TNFAIP8: variants seen among roughly 807,000 people sequenced by gnomAD.
TNFAIP8 encodes the protein tumor necrosis factor alpha-induced protein 8.
A neutral mutation model predicts 13.3 loss-of-function variants in TNFAIP8; 7 were observed. The observed-to-expected ratio is 0.52, with a 90% CI of 0.30 to 0.99. TNFAIP8 has a LOEUF of 0.99. Among genes scored for constraint, TNFAIP8 ranks in the 50% least tolerant of loss-of-function variants. The pLI, the probability that TNFAIP8 is intolerant of heterozygous loss-of-function variation, is 0.07. For synonymous variants in TNFAIP8, 94 were observed against 87.6 expected, an observed-to-expected ratio of 1.07 and a Z score of -0.41; for missense variants, 258 against 236.9, an observed-to-expected ratio of 1.09 and a Z score of -0.58.
intron 1 of TNFAIP8, among the ~76,000 whole-genome samples, chr5:119,300,209 G>T (rs192656827): frequency 6.6e-6 from 1 of 152,214 alleles, no homozygotes; most frequent in Non-Finnish European, 1.5e-5. Flanking sequence ...TGTCGCTCAC[G>T]CCGGGAGCTG....
intron 1 of TNFAIP8, among the ~76,000 whole-genome samples, chr5:119,286,533 A>G (rs1748804123): frequency 6.6e-6 from 1 of 151,542 alleles, no homozygotes; most frequent in South Asian, 2.1e-4. Context: ...GAGGCAGGAG[A>G]ATGGCGAGAA....
intron 1 of TNFAIP8, among the ~76,000 whole-genome samples, chr5:119,307,417 T>G (rs1749598849): frequency 6.6e-6 from 1 of 152,218 alleles, no homozygotes; most frequent in African/African-American, 2.4e-5. Flanking sequence ...GTACTTTTTT[T>G]GTACAACTTA....
intron 1 of TNFAIP8, among the ~76,000 whole-genome samples, chr5:119,298,620 A>G (rs916587057): frequency 1.1e-4 from 16 of 151,808 alleles, no homozygotes; most frequent in Admixed American, 4.6e-4. Context: ...TCTTTGTGGC[A>G]TTCTCTGTAT....
Position 119,393,499 on chromosome 5 carries a change from C to A in TNFAIP8, c.*118C>A. ...ACACATATTTCAGAAAGACTTTACC[C>A]AATTCAGTTGTCAGACATAATGATT... On this transcript the variant is annotated 3_prime_UTR_variant, in exon 2 of 2. Coordinates refer to ENST00000504771, the MANE Select transcript of TNFAIP8 (RefSeq NM_014350.4). 1 of 1,011,238 alleles carries A rather than the reference C, an allele frequency of 9.9e-7. No homozygotes were observed. The highest frequency in any genetic ancestry group is 1.4e-6 in the Non-Finnish European group (1 of 700,878). The allele number at this position is 1,011,238 out of a possible 1,614,324, so 62.6% of individuals were successfully genotyped here. A position where few individuals can be genotyped will look rare whatever the true frequency, so the allele number is the denominator to read the frequency against.
rs200376330 is a variant in TNFAIP8, at chr5:119,302,852, A to G, written c.1+33945A>G. Among the ~76,000 whole-genome samples, 429 of 152,316 alleles carry G rather than the reference A, an allele frequency of 2.8e-3. 4 individuals carry two copies. The highest frequency in any genetic ancestry group is 0.01 in the African/African-American group (424 of 41,570). On this transcript the variant is annotated intron_variant, in intron 1 of 1. Transcript: ENST00000274456. ...ATTCCTGGGCTTTCTCTCTGCCCTA[A>G]TTTTGCATCATTGTTGAAGGAGAGA...
chr5:119,368,189 C>G (rs1290954958), intron 1 of TNFAIP8, among the ~76,000 whole-genome samples: 1 of 152,128 alleles, frequency 6.6e-6, no homozygotes, highest in Non-Finnish European at 1.5e-5. Context: ...TCCCATCAGT[C>G]TTGTAGTTCT....
chr5:119,370,217 T>C (rs1223744975), intron 1 of TNFAIP8, among the ~76,000 whole-genome samples: 1 of 152,212 alleles, frequency 6.6e-6, no homozygotes, highest in East Asian at 1.9e-4. Flanking sequence ...GGAACACAAA[T>C]CAGTCCAGAA....
At position 119,326,400 on chromosome 5, in the gene TNFAIP8, GTGA is replaced by G. The variant is rs371327158; in HGVS notation, c.1+57499_1+57501del. 1.2e-3 allele frequency among the ~76,000 whole-genome samples: 182 copies of G among 152,300 alleles called. 1 individual carries two copies. The highest frequency in any genetic ancestry group is 4.1e-3 in the African/African-American group (170 of 41,554). On this transcript the variant is annotated intron_variant, in intron 1 of 1. Coordinates refer to the TNFAIP8 transcript ENST00000274456. ...GGAGACTGGCAGTGTTTTGCAGCTGGTGATGATGGAAAGAATCCGAGGGGCTGA... is the reference window on the plus strand; with the variant it reads ...GGAGACTGGCAGTGTTTTGCAGCTGGTGATGGAAAGAATCCGAGGGGCTGA...
chr5:119,306,319 T>TTTC (rs1749560595), intron 1 of TNFAIP8: 39 of 122,242 alleles, frequency 3.2e-4, no homozygotes, highest in African/African-American at 1.5e-3. Flanking sequence ...TCTTTCTTTC[T>TTTC]TTTTCTTTTT....
intron 1 of TNFAIP8, among the ~76,000 whole-genome samples, chr5:119,335,356 T>A (rs1750520432): frequency 6.6e-6 from 1 of 152,176 alleles, no homozygotes; most frequent in Non-Finnish European, 1.5e-5. Context: ...ATAGACAGTG[T>A]CTGGAGTCCA....
At chr5:119,391,225 C>G in intron 1 of TNFAIP8, 1 of 537,068 alleles carries the variant, frequency 1.9e-6, no homozygotes, top group Non-Finnish European at 3.4e-6. Context: ...AAGCAGCTGC[C>G]TTTTTGCTTC....
chr5:119,333,018 T>A (rs1370071359), intron 1 of TNFAIP8, among the ~76,000 whole-genome samples: 3 of 151,852 alleles, frequency 2.0e-5, no homozygotes, highest in Admixed American at 1.3e-4. Flanking sequence ...TAATAGACGT[T>A]CATGTTTATA....
chr5:119,300,516 C>T (rs1407431753), intron 1 of TNFAIP8, among the ~76,000 whole-genome samples: 2 of 152,208 alleles, frequency 1.3e-5, no homozygotes, highest in African/African-American at 4.8e-5. Context: ...ATATTGCATT[C>T]CTGACTCAGT....
At chr5:119,278,334 T>C (rs1296975459) in intron 1 of TNFAIP8, among the ~76,000 whole-genome samples, 2 of 149,068 alleles carry the variant, frequency 1.3e-5, no homozygotes, top group Admixed American at 6.7e-5. Flanking sequence ...TGCCAACCTC[T>C]TTTTAAGACA....
At chr5:119,292,588 C>G (rs956945561) in intron 1 of TNFAIP8, among the ~76,000 whole-genome samples, 1 of 127,084 alleles carries the variant, frequency 7.9e-6, no homozygotes, top group Non-Finnish European at 1.6e-5. Context: ...TACATAAGAG[C>G]CAAAAACTGG....
intron 1 of TNFAIP8, among the ~76,000 whole-genome samples, chr5:119,382,716 C>T (rs1325961805): frequency 2.0e-5 from 3 of 152,182 alleles, no homozygotes; most frequent in Admixed American, 6.5e-5. Flanking sequence ...ATAATTTGCT[C>T]CAGGCACATG....
At chr5:119,369,765 G>C (rs1580430775) in intron 1 of TNFAIP8, among the ~76,000 whole-genome samples, 1 of 152,204 alleles carries the variant, frequency 6.6e-6, no homozygotes, top group Non-Finnish European at 1.5e-5. Flanking sequence ...CTTTAGGAAG[G>C]CTTGGTAGGA....
At chr5:119,385,981 G>A (rs1282854502) in intron 1 of TNFAIP8, among the ~76,000 whole-genome samples, 2 of 152,190 alleles carry the variant, frequency 1.3e-5, no homozygotes, top group Non-Finnish European at 2.9e-5. Context: ...CCGAGTACCA[G>A]TAATATCCCT....
chr5:119,384,487 A>G (rs1041387792), intron 1 of TNFAIP8, among the ~76,000 whole-genome samples: 1 of 152,202 alleles, frequency 6.6e-6, no homozygotes, highest in African/African-American at 2.4e-5. Flanking sequence ...CATCTTAAAA[A>G]AACATAAAAA....
Sources: gnomAD v4.1 joint callset for allele counts (sites outside exome capture counted in the v4.1 genomes callset) on GRCh38, gnomAD v4.1.1 for gene constraint, MANE v1.5 for transcripts, NCBI Gene and HGNC (gene_info 2026-07-23, HGNC 2026-07-21) for gene names.